CATSPERD: variants seen among roughly 807,000 people sequenced by gnomAD.
CATSPERD encodes the protein cation channel sperm-associated auxiliary subunit delta.
CATSPERD carries 86 observed loss-of-function variants against 98.1 expected under a neutral mutation model. The ratio of observed to expected loss-of-function variants is 0.88; its 90% CI spans 0.74 to 1.05. The LOEUF is 1.05. CATSPERD is among the 50% of genes least tolerant of loss of function. The pLI is 0.00. For synonymous variants in CATSPERD, 394 were observed against 390.2 expected (o/e 1.01, Z -0.12); for missense variants, 995 against 1,005.7 (o/e 0.99, Z 0.14).
At chr19:5,773,674 GC>G (rs1303832973) in intron 20 of CATSPERD, among the ~76,000 whole-genome samples, 1 of 148,326 alleles carries the variant, frequency 6.7e-6, no homozygotes, top group Non-Finnish European at 1.5e-5. Context: ...GTGCCACCAT[GC>G]CCAGCTAATT....
At chr19:5,739,601 G>A (rs1047550061) in intron 7 of CATSPERD, among the ~76,000 whole-genome samples, 162 bp downstream of exon 7, 32 of 152,090 alleles carry the variant, frequency 2.1e-4, no homozygotes, top group African/African-American at 7.2e-4. Flanking sequence ...GGAGGCTGAG[G>A]CAGGAGGATA....
chr19:5,750,742 GA>G (rs375104853), intron 11 of CATSPERD, among the ~76,000 whole-genome samples: 4 of 151,254 alleles, frequency 2.6e-5, no homozygotes, highest in African/African-American at 7.3e-5. Context: ...CTCAAAAAAA[GA>G]AAAAAATAAT....
chr19:5,772,956 G>C lies in CATSPERD; in HGVS notation c.1932G>C (p.Trp644Cys), dbSNP rs555700022. Residue 644 changes from tryptophan (W) to cysteine (C), a missense_variant, in exon 20 of 22, where the codon TGG (tryptophan) becomes TGC (cysteine). This residue lies in a region of CATSPERD where 762 missense variants were observed against 773.7 expected (regional missense o/e 0.98). Transcript: ENST00000381624. ...AGGAATTCGGGGGGCCCTTCTTCTG[G>C]AACAGAGAGGTAACAGGACCCTAGG... ...MIKEFGGPFF[W>C]NRENYVSCHD... 2 of 1,613,676 alleles carry C rather than the reference G, an allele frequency of 1.2e-6. No individual in the cohort carries two copies. The highest frequency in any genetic ancestry group is 1.1e-5 in the South Asian group (1 of 91,036).
At chr19:5,767,182 T>C (rs1568370680) in intron 17 of CATSPERD, among the ~76,000 whole-genome samples, 1 of 149,822 alleles carries the variant, frequency 6.7e-6, no homozygotes, top group Non-Finnish European at 1.5e-5. Context: ...CCGGGCGCAT[T>C]GGCGGGTGCC....
chr19:5,757,771 C>T, intron 13 of CATSPERD, 72 bp from the exon 14 acceptor site: 2 of 1,139,022 alleles, frequency 1.8e-6, no homozygotes, highest in South Asian at 1.3e-5. Flanking sequence ...GTGCTGGGCT[C>T]ACTGTGGGGG....
Position 5,730,569 on chromosome 19 carries a change from T to A in CATSPERD, c.276+625T>A, listed in dbSNP as rs1025717132. 3.6e-4 allele frequency among the ~76,000 whole-genome samples: 55 copies of A among 150,874 alleles called. 1 individual carries two copies. The highest frequency in any genetic ancestry group is 3.2e-3 in the Admixed American group (49 of 15,090). On this transcript the variant is annotated intron_variant, in intron 4 of 21. Transcript: ENST00000381624. ...AAAAATAATAATAAAATAAAATAAA[T>A]AAATAAATAATAGATAGGTGGGATG...
chr19:5,733,071 G>A (rs975688895), intron 4 of CATSPERD, among the ~76,000 whole-genome samples: 1 of 150,966 alleles, frequency 6.6e-6, no homozygotes, highest in Admixed American at 6.6e-5. Flanking sequence ...TCGGCTCACC[G>A]CAACCTCCAC....
intron 11 of CATSPERD, among the ~76,000 whole-genome samples, chr19:5,750,174 C>A (rs563120248): frequency 1.6e-4 from 23 of 144,410 alleles, no homozygotes; most frequent in Non-Finnish European, 3.0e-4. Context: ...TTTGGCCGGG[C>A]GTGGTGGCTC....
At chr19:5,765,784 C>T (rs1215150891) in intron 16 of CATSPERD, among the ~76,000 whole-genome samples, 1 of 151,868 alleles carries the variant, frequency 6.6e-6, no homozygotes, top group East Asian at 1.9e-4. Flanking sequence ...TGCACTCCAG[C>T]CTGGGTGACA....
In CATSPERD at chr19:5,741,796, G is replaced by T. The variant is rs964706013; in HGVS notation, c.573+2357G>T. Among the ~76,000 whole-genome samples the T allele has an allele frequency of 1.4e-4, 13 of 92,692 alleles. 3 individuals are homozygous for T. Among genetic ancestry groups the T allele is most frequent in the South Asian group, 1.4e-3 (3 of 2,166 alleles). 60.8% of individuals were successfully genotyped at this position (92,692 alleles called of 152,430 possible). Reference sequence around the variant, plus strand: ...TGGGATGCTGAAGGCGGGGGGGGGGGGGTGGTGTGGATCACTTGAGGTCAG... The same window carrying T: ...TGGGATGCTGAAGGCGGGGGGGGGGTGGTGGTGTGGATCACTTGAGGTCAG... On this transcript the variant is annotated intron_variant, in intron 7 of 21. Transcript: ENST00000381624.
Position 5,772,788 on chromosome 19 carries a change from G to A in CATSPERD, c.1764G>A (p.Leu588=). 1 of 1,613,382 alleles carries A rather than the reference G, an allele frequency of 6.2e-7. No individual in the cohort carries two copies. The highest frequency in any genetic ancestry group is 1.1e-5 in the South Asian group (1 of 90,984). The change falls in exon 20 of 22, where the codon CTG becomes CTA. Residue 588 remains leucine, a splice_region_variant and synonymous_variant. Transcript: ENST00000381624. ...YDTLWKPVVE[L]WRKDSFQEVI... ...GCCCTGCCCCGTGCCTGTGTCCTAG[G>A]TGGCGAAAAGACAGTTTCCAGGAGG... is the stretch of plus-strand genomic sequence containing the variant.
At chr19:5,731,854 C>T (rs936071230) in intron 4 of CATSPERD, among the ~76,000 whole-genome samples, 2 of 152,074 alleles carry the variant, frequency 1.3e-5, no homozygotes, top group Admixed American at 6.6e-5. Context: ...GGATTACAGG[C>T]GTGAGCCACC....
chr19:5,745,335 G>A (rs1267893878), intron 8 of CATSPERD, among the ~76,000 whole-genome samples: 1 of 152,092 alleles, frequency 6.6e-6, no homozygotes, highest in Non-Finnish European at 1.5e-5. Context: ...TCTTCAAAAT[G>A]AGGCCGGGTG....
chr19:5,736,671 A>G (rs1423753095), intron 5 of CATSPERD, among the ~76,000 whole-genome samples: 1 of 151,550 alleles, frequency 6.6e-6, no homozygotes. Context: ...CCACCACTGC[A>G]CTCTAGCCTA....
chr19:5,749,451 A>C (rs1343581147), intron 11 of CATSPERD, among the ~76,000 whole-genome samples: 1 of 151,956 alleles, frequency 6.6e-6, no homozygotes, highest in Admixed American at 6.6e-5. Flanking sequence ...CAACAACAAC[A>C]ACGACAACAG....
intron 19 of CATSPERD, chr19:5,772,228 T>A (rs1398570543): frequency 6.1e-5 from 16 of 264,224 alleles, no homozygotes; most frequent in African/African-American, 4.9e-4. Flanking sequence ...TTTTTTTTTT[T>A]TTTTTTTTTT....
At chr19:5,744,300 G>A (rs1239267786) in intron 7 of CATSPERD, 127 bp from the exon 8 acceptor site, 3 of 778,140 alleles carry the variant, frequency 3.9e-6, no homozygotes, top group Non-Finnish European at 6.3e-6. Context: ...TTTCCACAGA[G>A]GGCATTATTT....
At chr19:5,756,218 T>C (rs1479290544) in intron 13 of CATSPERD, among the ~76,000 whole-genome samples, 1 of 151,114 alleles carries the variant, frequency 6.6e-6, no homozygotes, top group East Asian at 1.9e-4. Context: ...GAGGTGGAGG[T>C]TGCAGTGAGC....
rs558940906 is a variant in CATSPERD at position 5,729,891 on chromosome 19, A to G, written c.223A>G (p.Met75Val). 1.3e-6 allele frequency: 2 copies of G among 1,593,314 alleles called. No homozygotes were observed. Among genetic ancestry groups the G allele is most frequent in the South Asian group, 1.1e-5 (1 of 87,906 alleles). The change falls in exon 4 of 22, where the codon ATG (methionine) becomes GTG (valine). Residue 75 changes from methionine (M) to valine (V), a missense_variant. Met to Val is a conservative substitution (Grantham distance 21). Coordinates refer to ENST00000381624, the MANE Select transcript of CATSPERD (RefSeq NM_152784.4). ...TTTCAGGAAACAAGTTTTTTTCACA[A>G]TGGATAACTTTGAGACTAGTCTCCT... ...LYLGKQVFFT[M>V]DNFETSLLPF... is the part of the protein sequence containing the mutation.
Sources: gnomAD v4.1 joint callset for allele counts (sites outside exome capture counted in the v4.1 genomes callset) on GRCh38, gnomAD v4.1.1 for gene constraint, gnomAD v4.1.1 regional missense constraint, MANE v1.5 for transcripts, NCBI Gene and HGNC (gene_info 2026-07-23, HGNC 2026-07-21) for gene names.